ASB4: variants seen among roughly 807,000 people sequenced by gnomAD.
ASB4 encodes ankyrin repeat and SOCS box containing 4, also known as ankyrin repeat and SOCS box protein 4.
ASB4 carries 35 observed loss-of-function variants against 38.6 expected under a neutral mutation model. That is an observed-to-expected ratio of 0.91 (90% CI 0.69 to 1.20). The LOEUF is 1.20. Among genes scored for constraint, ASB4 ranks in the 50% most tolerant of loss-of-function variants. The probability of loss-of-function intolerance (pLI) is 0.00; values close to 1 mark genes in which losing one functional copy is unlikely to be tolerated. For missense variants in ASB4, 557 were observed against 527.2 expected (o/e 1.06, Z -0.55); for synonymous variants, 195 against 201.3 (o/e 0.97, Z 0.26).
intron 2 of ASB4, among the ~76,000 whole-genome samples, chr7:95,523,939 A>C (rs1467952929): frequency 6.6e-6 from 1 of 152,252 alleles, no homozygotes; most frequent in Non-Finnish European, 1.5e-5. Flanking sequence ...AAATGCAATG[A>C]GATATCACTC....
Position 95,527,907 on chromosome 7 carries a change from C to T in ASB4, c.582C>T (p.Tyr194=), listed in dbSNP as rs749591453. 4 of 1,614,010 alleles carry T rather than the reference C, an allele frequency of 2.5e-6. No individual in the cohort carries two copies. The highest frequency in any genetic ancestry group is 3.4e-6 in the Non-Finnish European group (4 of 1,180,040). Residue 194 remains tyrosine, a synonymous_variant, in exon 3 of 5, where the codon TAC becomes TAT. Coordinates refer to ENST00000325885, the MANE Select transcript of ASB4 (RefSeq NM_016116.3). ...HFGLSELVAF[Y]VEHGAIVDSV... The stretch of plus-strand genomic sequence containing the variant: ...GCCTTTCGGAGCTGGTGGCCTTCTA[C>T]GTGGAACACGGGGCCATAGTGGACA...
intron 2 of ASB4, among the ~76,000 whole-genome samples, chr7:95,519,007 G>T (rs968528310): frequency 6.6e-6 from 1 of 152,162 alleles, no homozygotes; most frequent in East Asian, 1.9e-4. Context: ...AGGAATTAAT[G>T]GTTCTTGTTG....
the ASB4 span, among the ~76,000 whole-genome samples, chr7:95,471,004 A>G: frequency 3.3e-5 from 5 of 152,116 alleles, no homozygotes; most frequent in East Asian, 9.7e-4. Context: ...CCATATTTCC[A>G]TTTTCAGTCA....
upstream of ASB4, among the ~76,000 whole-genome samples, chr7:95,481,312 T>TC (rs1186999460): frequency 1.4e-4 from 21 of 151,840 alleles, no homozygotes; most frequent in African/African-American, 5.1e-4. Flanking sequence ...AACAAAGGCA[T>TC]CTTTATGCTA....
chr7:95,511,278 G>C (rs1057355639), intron 2 of ASB4, among the ~76,000 whole-genome samples: 1 of 151,888 alleles, frequency 6.6e-6, no homozygotes, highest in Non-Finnish European at 1.5e-5. Flanking sequence ...AGAAGTGAAC[G>C]CTGCAGGGAA....
Position 95,479,020 on chromosome 7 carries a change from A to G in ASB4, n.157+420A>G, listed in dbSNP as rs890712456. Among the ~76,000 whole-genome samples the G allele has an allele frequency of 3.3e-5, 5 of 152,276 alleles. No homozygotes were observed. In the South Asian group the frequency reaches 1.0e-3, roughly 32 times the overall value. On this transcript the variant is annotated intron_variant and non_coding_transcript_variant, in intron 1 of 1. Coordinates refer to the ASB4 transcript ENST00000257621. ...ACAGGGAAGACTTTCAAAAAATCTC[A>G]GCAAGGTCTTCTGCCCTTGCAAAAT... is the stretch of plus-strand genomic sequence containing the variant.
Position 95,539,708 on chromosome 7 carries a change from T to C in ASB4, c.*1949T>C, listed in dbSNP as rs1398236730. 6.6e-6 allele frequency: 1 copy of C among 152,420 alleles called. No individual in the cohort carries two copies. 9.4% of individuals were successfully genotyped at this position (152,420 alleles called of 1,614,324 possible). On this transcript the variant is annotated 3_prime_UTR_variant, in exon 5 of 5. Coordinates refer to ENST00000325885, the MANE Select transcript of ASB4 (RefSeq NM_016116.3). ...GAGGATGCAAAGACATCCAGAGTGA[T>C]ATAATGGACTATGGGGACTTGCAAG...
At chr7:95,477,868 C>T (rs1472658285), upstream of ASB4, among the ~76,000 whole-genome samples, 1 of 151,984 alleles carries the variant, frequency 6.6e-6, no homozygotes, top group Non-Finnish European at 1.5e-5. Context: ...CCCTTTCTCT[C>T]CACTCCTCTT....
the ASB4 span, among the ~76,000 whole-genome samples, chr7:95,549,856 C>G: frequency 6.6e-6 from 1 of 152,080 alleles, no homozygotes; most frequent in African/African-American, 2.4e-5. Flanking sequence ...TCCTTCTGCT[C>G]AAATTTCACT....
At position 95,537,676 on chromosome 7, in the gene ASB4, T is replaced by C. The variant is rs1268681871; in HGVS notation, c.1198T>C (p.Cys400Arg). The C allele has an allele frequency of 6.2e-7, 1 of 1,613,986 alleles. No individual in the cohort carries two copies. Among genetic ancestry groups the C allele is most frequent in the Non-Finnish European group, 8.5e-7 (1 of 1,179,870 alleles). Reference sequence around the variant, plus strand: ...CATTAGAAGAACATTACACAACAGATGCCATAGAGCAATTCCTTTGCTTTC... The same window carrying C: ...CATTAGAAGAACATTACACAACAGACGCCATAGAGCAATTCCTTTGCTTTC... ...CAIRRTLHNR[C>R]HRAIPLLSLP... The change falls in exon 5 of 5, where the codon TGC becomes CGC. Residue 400 changes from cysteine to arginine, a missense_variant. Physicochemically the swap from Cys to Arg is radical, Grantham distance 180. Transcript: ENST00000325885.
At position 95,485,999 on chromosome 7, in the gene ASB4, A is replaced by G. The variant is rs1473438483; in HGVS notation, c.28A>G (p.Lys10Glu). MDGTTAPVT[K>E]SGAAKLVKRN... ...GGACGGCACCACTGCCCCTGTCACTAAATCTGGAGCTGCCAAGTTAGTTAA... is the reference window on the plus strand; with the variant it reads ...GGACGGCACCACTGCCCCTGTCACTGAATCTGGAGCTGCCAAGTTAGTTAA... The change falls in exon 1 of 5, where the codon AAA (lysine) becomes GAA (glutamate). Residue 10 changes from lysine (K) to glutamate (E), a missense_variant. Coordinates refer to ENST00000325885, the MANE Select transcript of ASB4 (RefSeq NM_016116.3). 1.5e-5 allele frequency: 24 copies of G among 1,614,044 alleles called. No homozygotes were observed. Among genetic ancestry groups the G allele is most frequent in the Non-Finnish European group, 2.0e-5 (24 of 1,179,938 alleles).
At chr7:95,537,522 T>C (rs748069035) in intron 4 of ASB4, 49 bp from the exon 5 acceptor site, 1 of 1,490,404 alleles carries the variant, frequency 6.7e-7, no homozygotes, top group Non-Finnish European at 9.1e-7. Flanking sequence ...TTTATTGATG[T>C]AAACTGTGGG....
intron 2 of ASB4, among the ~76,000 whole-genome samples, chr7:95,519,532 G>A (rs1424253868): frequency 6.6e-6 from 1 of 152,174 alleles, no homozygotes; most frequent in Non-Finnish European, 1.5e-5. Flanking sequence ...GTTTTGTACT[G>A]AGGCAGGTGC....
At chr7:95,480,442 GC>G (rs1175509953) in intron 1 of ASB4, among the ~76,000 whole-genome samples, 16 of 152,146 alleles carry the variant, frequency 1.1e-4, no homozygotes, top group African/African-American at 3.9e-4. Context: ...CTGAATCAGT[GC>G]TAGTCAGTGT....
At position 95,531,380 on chromosome 7, in the gene ASB4, G is replaced by A. The variant is rs373079972; in HGVS notation, c.978+3077G>A. On this transcript the variant is annotated intron_variant, in intron 3 of 4. Coordinates refer to ENST00000325885, the MANE Select transcript of ASB4 (RefSeq NM_016116.3). ...AAAGCATAATTTTCTGCATATTGTC[G>A]TTCAAAGACTACTTTCCCTCCAGCG... Among the ~76,000 whole-genome samples the A allele has an allele frequency of 1.5e-4, 23 of 152,214 alleles. No individual in the cohort carries two copies. In the East Asian group the frequency reaches 2.5e-3, roughly 17 times the overall value.
At chr7:95,476,476 A>C (rs1453899782), upstream of ASB4, among the ~76,000 whole-genome samples, 1 of 152,218 alleles carries the variant, frequency 6.6e-6, no homozygotes, top group African/African-American at 2.4e-5. Context: ...AATGGAAGGA[A>C]GATCTAGAGG....
intron 2 of ASB4, among the ~76,000 whole-genome samples, chr7:95,510,927 C>G (rs1355749025): frequency 6.6e-6 from 1 of 152,094 alleles, no homozygotes; most frequent in African/African-American, 2.4e-5. Flanking sequence ...CTTAGGGGAG[C>G]CTGGAGCTTA....
intron 2 of ASB4, among the ~76,000 whole-genome samples, chr7:95,502,902 C>T (rs1028591380): frequency 6.6e-6 from 1 of 152,010 alleles, no homozygotes; most frequent in Non-Finnish European, 1.5e-5. Flanking sequence ...TACTGAAAAA[C>T]TGAAAAATGC....
chr7:95,530,564 C>G (rs933049324), intron 3 of ASB4, among the ~76,000 whole-genome samples: 1 of 151,932 alleles, frequency 6.6e-6, no homozygotes, highest in Non-Finnish European at 1.5e-5. Flanking sequence ...GTGCAAGGGT[C>G]CTGAGGTAGG....
Sources: gnomAD v4.1 joint callset for allele counts (sites outside exome capture counted in the v4.1 genomes callset) on GRCh38, gnomAD v4.1.1 for gene constraint, MANE v1.5 for transcripts, NCBI Gene and HGNC (gene_info 2026-07-23, HGNC 2026-07-21) for gene names.